MTMR3: variants seen among roughly 807,000 people sequenced by gnomAD.
MTMR3 encodes myotubularin related protein 3, also known as phosphatidylinositol-3,5-bisphosphate 3-phosphatase MTMR3.
MTMR3 carries 32 observed loss-of-function variants against 132.4 expected under a neutral mutation model. The ratio of observed to expected loss-of-function variants is 0.24; its 90% CI spans 0.18 to 0.32. MTMR3 has a LOEUF of 0.32. Ranked by LOEUF, MTMR3 falls within the 10% of genes least tolerant of loss-of-function variation. MTMR3 has a pLI of 1.00. For synonymous variants in MTMR3, 556 were observed against 550.3 expected (o/e 1.01, Z -0.14); for missense variants, 1,216 against 1,489.6 (o/e 0.82, Z 3.02).
Position 29,927,938 on chromosome 22 carries a change from TG to T in MTMR3, c.-137-29097del, listed in dbSNP as rs1477916845. ...ATGTAATGCTAAAATCTCTAGCCTTTGTTTTTTTTTTTTTTTTTTTGAGACG... is the reference window on the plus strand; with the variant it reads ...ATGTAATGCTAAAATCTCTAGCCTTTTTTTTTTTTTTTTTTTTTTGAGACG... On this transcript the variant is annotated intron_variant, in intron 1 of 19. Transcript: ENST00000401950. Among the ~76,000 whole-genome samples the T allele has an allele frequency of 5.5e-5, 7 of 128,268 alleles. No individual in the cohort carries two copies. In the South Asian group the frequency reaches 7.9e-4, roughly 14 times the overall value. The allele number at this position is 128,268 out of a possible 152,430, so 84.1% of individuals were successfully genotyped here. A position where few individuals can be genotyped will look rare whatever the true frequency, so the allele number is the denominator to read the frequency against.
chr22:29,905,296 T>C (rs1407707613), intron 1 of MTMR3, among the ~76,000 whole-genome samples: 1 of 152,138 alleles, frequency 6.6e-6, no homozygotes, highest in Non-Finnish European at 1.5e-5. Context: ...ATCCCGAGAA[T>C]ACTTTTTCCA....
intron 2 of MTMR3, among the ~76,000 whole-genome samples, chr22:29,967,230 T>TGTGTGC (rs1555908327): frequency 1.1e-5 from 1 of 94,268 alleles, no homozygotes; most frequent in Non-Finnish European, 2.1e-5. Flanking sequence ...TGTGTGTGTG[T>TGTGTGC]GTGCATGCGC....
At chr22:29,945,718 GAA>G (rs67054738) in intron 1 of MTMR3, among the ~76,000 whole-genome samples, 57 of 124,464 alleles carry the variant, frequency 4.6e-4, no homozygotes, top group African/African-American at 1.2e-3. Flanking sequence ...AAATGAAAAA[GAA>G]AAAAAAAAAA....
intron 2 of MTMR3, among the ~76,000 whole-genome samples, chr22:29,963,139 G>GT: frequency 6.6e-6 from 1 of 151,918 alleles, no homozygotes; most frequent in Middle Eastern, 3.4e-3. Context: ...TAGAGATGGT[G>GT]TTTTGCCATG....
chr22:29,928,142 T>TGTA, intron 1 of MTMR3, among the ~76,000 whole-genome samples: 1 of 151,084 alleles, frequency 6.6e-6, no homozygotes, highest in Middle Eastern at 3.5e-3. Flanking sequence ...TCTCATCGTC[T>TGTA]GTACGGGTAA....
intron 1 of MTMR3, among the ~76,000 whole-genome samples, chr22:29,941,017 GATAC>G: frequency 6.7e-6 from 1 of 150,134 alleles, no homozygotes; most frequent in Non-Finnish European, 1.5e-5. Flanking sequence ...CCTCAATCAT[GATAC>G]AGAACTTTTA....
Position 30,020,262 on chromosome 22 carries a change from T to C in MTMR3, c.2603T>C (p.Leu868Pro). ...CCCCAAGGTCATCATAGATCTTGCC[T>C]TGTAAATAGTGGCAAGGACAGGCTT... ...SGPQGHHRSCLVNSGKDRLPQ... is the reference protein window; with the variant it reads ...SGPQGHHRSCPVNSGKDRLPQ... The change falls in exon 17 of 20, where the codon CTT (leucine) becomes CCT (proline). Residue 868 changes from leucine (L) to proline (P), a missense_variant. Physicochemically the swap from Leu to Pro is moderately conservative, Grantham distance 98. Coordinates refer to ENST00000401950, the MANE Select transcript of MTMR3 (RefSeq NM_021090.4). 1 of 1,614,178 alleles carries C rather than the reference T, an allele frequency of 6.2e-7. No homozygotes were observed. Among genetic ancestry groups the C allele is most frequent in the Non-Finnish European group, 8.5e-7 (1 of 1,180,036 alleles).
At position 29,933,515 on chromosome 22, in the gene MTMR3, A is replaced by G. The variant is rs2065686477; in HGVS notation, c.-137-23521A>G. Among the ~76,000 whole-genome samples the G allele has an allele frequency of 2.6e-5, 4 of 152,182 alleles. No individual in the cohort carries two copies. The South Asian group carries it at 6.2e-4, about 24-fold the overall frequency. On this transcript the variant is annotated intron_variant, in intron 1 of 19. Transcript: ENST00000401950. ...TCTTAACTAAATGCAAATGTAGCTTATTTTACTATCGGTCAAGTTATTTTA... is the reference window on the plus strand; with the variant it reads ...TCTTAACTAAATGCAAATGTAGCTTGTTTTACTATCGGTCAAGTTATTTTA...
At chr22:29,983,825 AGAT>A (rs1428678470) in intron 5 of MTMR3, 1 of 151,730 alleles carries the variant, frequency 6.6e-6, no homozygotes, top group Non-Finnish European at 1.5e-5. Context: ...TTTTTTGTAG[AGAT>A]GATGTCTGTG....
At chr22:29,947,565 G>T (rs943634131) in intron 1 of MTMR3, among the ~76,000 whole-genome samples, 7 of 151,434 alleles carry the variant, frequency 4.6e-5, no homozygotes, top group Admixed American at 4.0e-4. Context: ...GATGGTGTAA[G>T]AATTTTTTAA....
At chr22:29,950,715 A>G (rs1304510904) in intron 1 of MTMR3, among the ~76,000 whole-genome samples, 4 of 152,224 alleles carry the variant, frequency 2.6e-5, no homozygotes, top group South Asian at 2.1e-4. Context: ...ATAAAATTAG[A>G]TTTTAAACTC....
intron 2 of MTMR3, among the ~76,000 whole-genome samples, chr22:29,966,348 A>G (rs555271671): frequency 9.8e-4 from 150 of 152,302 alleles, no homozygotes; most frequent in African/African-American, 3.5e-3. Flanking sequence ...TATACTTTGA[A>G]TAAGAATCCA....
chr22:29,975,404 G>A (rs113385951), intron 3 of MTMR3, among the ~76,000 whole-genome samples: 2,511 of 151,956 alleles, frequency 0.017, 66 homozygotes, highest in African/African-American at 0.058. Context: ...TTAATATTTG[G>A]CTTAATAGAT....
At chr22:29,984,705 G>A (rs1016105423) in intron 5 of MTMR3, 1 of 152,184 alleles carries the variant, frequency 6.6e-6, no homozygotes, top group Non-Finnish European at 1.5e-5. Flanking sequence ...GAATCAGTAC[G>A]TTTGAGAGGA....
chr22:30,025,745 A>T lies in MTMR3; in HGVS notation c.3541A>T (p.Thr1181Ser). ...CKSCYSSLHPTSSSIDLELDK... is the reference protein window; with the variant it reads ...CKSCYSSLHPSSSSIDLELDK... ...GTCTTGCTATAGCAGCCTACATCCC[A>T]CAAGCTCCAGCATTGACCTTGAACT... The change falls in exon 20 of 20, where the codon ACA becomes TCA. Residue 1181 changes from threonine (T) to serine (S), a missense_variant. Thr to Ser is a moderately conservative substitution (Grantham distance 58, BLOSUM62 1). Around this residue, in one of 7 missense-constraint regions of MTMR3, gnomAD observed 852 missense variants for 852.0 expected, o/e 1.00. Transcript: ENST00000401950. 6.2e-7 allele frequency: 1 copy of T among 1,614,114 alleles called. No homozygotes were observed. The highest frequency in any genetic ancestry group is 8.5e-7 in the Non-Finnish European group (1 of 1,180,010).
intron 2 of MTMR3, among the ~76,000 whole-genome samples, chr22:29,959,125 C>G (rs1046530933): frequency 6.6e-6 from 1 of 152,090 alleles, no homozygotes; most frequent in Non-Finnish European, 1.5e-5. Flanking sequence ...AGATGAGATT[C>G]CATGTTCAGT....
intron 6 of MTMR3, chr22:29,990,494 C>T (rs2066940733): frequency 6.6e-6 from 1 of 152,196 alleles, no homozygotes; most frequent in Non-Finnish European, 1.5e-5. Context: ...GGCTACAACT[C>T]ACAGTTTAAG....
Position 29,927,051 on chromosome 22 carries a change from A to G in MTMR3, c.-137-29985A>G, listed in dbSNP as rs140379672. 7.2e-5 allele frequency among the ~76,000 whole-genome samples: 11 copies of G among 152,284 alleles called. 1 individual carries two copies. In the East Asian group the frequency reaches 2.1e-3, roughly 29 times the overall value. Reference sequence around the variant, plus strand: ...GAGTTCTTATTTAATTCTTTGGTAGATGGATATTCAGTTGTCCCACCACCG... The same window carrying G: ...GAGTTCTTATTTAATTCTTTGGTAGGTGGATATTCAGTTGTCCCACCACCG... On this transcript the variant is annotated intron_variant, in intron 1 of 19. Transcript: ENST00000401950.
chr22:29,960,688 CCTT>C (rs1264106472), intron 2 of MTMR3, among the ~76,000 whole-genome samples: 1 of 152,136 alleles, frequency 6.6e-6, no homozygotes, highest in Non-Finnish European at 1.5e-5. Flanking sequence ...TGATTGTTCT[CCTT>C]GTTTTCTCGA....
Sources: gnomAD v4.1 joint callset for allele counts (sites outside exome capture counted in the v4.1 genomes callset) on GRCh38, gnomAD v4.1.1 for gene constraint, gnomAD v4.1.1 regional missense constraint, MANE v1.5 for transcripts, NCBI Gene and HGNC (gene_info 2026-07-23, HGNC 2026-07-21) for gene names.